Variants in CALN1 observed in about 807,000 individuals in gnomAD.
The protein encoded by CALN1 is calneuron 1, also known as calcium-binding protein 8.
Under a neutral mutation model 30.6 loss-of-function variants are expected in CALN1, and 17 were observed. The observed-to-expected ratio is 0.56, with a 90% CI of 0.38 to 0.83. CALN1 has a LOEUF of 0.83. Among genes scored for constraint, CALN1 ranks in the 40% least tolerant of loss-of-function variants. CALN1 has a pLI of 0.00. For missense variants in CALN1, 291 were observed against 354.9 expected (o/e 0.82, Z 1.45); for synonymous variants, 156 against 131.4 (o/e 1.19, Z -1.28).
intron 4 of CALN1, among the ~76,000 whole-genome samples, chr7:72,050,478 AC>A (rs1419515191): frequency 2.0e-5 from 3 of 152,164 alleles, no homozygotes; most frequent in Admixed American, 6.6e-5. Flanking sequence ...AAATAAGCAG[AC>A]CTCATTCTCC....
At chr7:72,473,707 C>T in the CALN1 span, among the ~76,000 whole-genome samples, 1 of 151,804 alleles carries the variant, frequency 6.6e-6, no homozygotes. Flanking sequence ...ACAAGGCAGG[C>T]GGATCACCTA....
At chr7:72,263,458 T>C (rs546806978) in intron 3 of CALN1, among the ~76,000 whole-genome samples, 1 of 152,298 alleles carries the variant, frequency 6.6e-6, no homozygotes, top group African/African-American at 2.4e-5. Flanking sequence ...TTCAATGACA[T>C]GATCGTGGCT....
At chr7:71,926,507 T>G (rs1795278104) in intron 5 of CALN1, among the ~76,000 whole-genome samples, 1 of 152,228 alleles carries the variant, frequency 6.6e-6, no homozygotes. Context: ...CAGGGTTCTC[T>G]GAGCATCTTG....
intron 1 of CALN1, among the ~76,000 whole-genome samples, chr7:72,435,235 T>C (rs556901941): frequency 1.8e-5 from 2 of 114,254 alleles, no homozygotes; most frequent in East Asian, 4.5e-4. Context: ...ATCCAGTCTC[T>C]AAGGAAAAAA....
chr7:72,241,018 T>C (rs1315427699), intron 3 of CALN1, among the ~76,000 whole-genome samples: 5 of 152,226 alleles, frequency 3.3e-5, no homozygotes, highest in Admixed American at 3.3e-4. Flanking sequence ...AGAGTCTATA[T>C]CTGCCCCTCT....
At chr7:71,871,950 A>G (rs1016445397) in intron 5 of CALN1, among the ~76,000 whole-genome samples, 3 of 152,180 alleles carry the variant, frequency 2.0e-5, no homozygotes, top group African/African-American at 7.2e-5. Flanking sequence ...CCATGATGGA[A>G]ATGATCATTC....
At chr7:72,162,872 G>T (rs113292082) in intron 3 of CALN1, among the ~76,000 whole-genome samples, 5 of 152,344 alleles carry the variant, frequency 3.3e-5, no homozygotes, top group African/African-American at 9.6e-5. Flanking sequence ...GGATCAAGGT[G>T]TCAGATACAA....
intron 3 of CALN1, among the ~76,000 whole-genome samples, chr7:72,215,858 C>G (rs508346): frequency 0.018 from 2,715 of 152,220 alleles, 73 homozygotes; most frequent in African/African-American, 0.062. Context: ...CTGGGCTGGC[C>G]ATGGGACTTG....
At chr7:71,884,153 T>G (rs1052805026) in intron 5 of CALN1, among the ~76,000 whole-genome samples, 2 of 152,130 alleles carry the variant, frequency 1.3e-5, no homozygotes, top group Non-Finnish European at 1.5e-5. Context: ...GACCTCATGA[T>G]CTGTCCCCCT....
At chr7:72,195,422 G>T (rs1022839225) in intron 3 of CALN1, among the ~76,000 whole-genome samples, 2 of 152,060 alleles carry the variant, frequency 1.3e-5, no homozygotes, top group African/African-American at 4.8e-5. Context: ...CTGCCACCCC[G>T]GCTGGAGTGC....
At chr7:72,270,545 G>A (rs972685638) in intron 3 of CALN1, among the ~76,000 whole-genome samples, 4 of 152,178 alleles carry the variant, frequency 2.6e-5, no homozygotes, top group Non-Finnish European at 4.4e-5. Context: ...ACTGAGGTGG[G>A]AGGATTACAT....
intron 1 of CALN1, among the ~76,000 whole-genome samples, chr7:72,436,294 T>C (rs957807428): frequency 1.3e-5 from 2 of 152,196 alleles, no homozygotes; most frequent in Admixed American, 1.3e-4. Flanking sequence ...GTTCTCATGA[T>C]AGTGACTAAG....
intron 5 of CALN1, among the ~76,000 whole-genome samples, chr7:72,001,289 G>T (rs1384610189): frequency 6.6e-6 from 1 of 152,178 alleles, no homozygotes; most frequent in East Asian, 1.9e-4. Context: ...CCTGAAACTG[G>T]TGATCAGCTT....
intron 1 of CALN1, among the ~76,000 whole-genome samples, chr7:72,435,479 C>T (rs1808124761): frequency 6.6e-6 from 1 of 152,212 alleles, no homozygotes; most frequent in Non-Finnish European, 1.5e-5. Flanking sequence ...TCCACGCCTC[C>T]CTCGGCCTGC....
chr7:71,979,588 C>A (rs1002008850), intron 5 of CALN1, among the ~76,000 whole-genome samples: 1 of 152,146 alleles, frequency 6.6e-6, no homozygotes, highest in Admixed American at 6.5e-5. Flanking sequence ...GATGAATCTT[C>A]ACTGACTCAC....
chr7:72,339,167 C>T lies in CALN1; in HGVS notation c.120-60357G>A, dbSNP rs115002890. On this transcript the variant is annotated intron_variant, in intron 2 of 6. Coordinates refer to ENST00000395275, the MANE Select transcript of CALN1 (RefSeq NM_031468.4). ...CACTGGATCTCATTCTTTTTTATGG[C>T]TGAATAGTGCTCCATTGTGTACATG... 6.9e-3 allele frequency among the ~76,000 whole-genome samples: 1,045 copies of T among 152,234 alleles called. 13 individuals are homozygous for T. Among genetic ancestry groups the T allele is most frequent in the African/African-American group, 0.024 (1,002 of 41,528 alleles).
intron 3 of CALN1, among the ~76,000 whole-genome samples, chr7:72,239,075 A>G (rs372236438): frequency 1.1e-4 from 16 of 152,168 alleles, no homozygotes; most frequent in African/African-American, 3.1e-4. Context: ...CGTGACTTCT[A>G]AAATACCTCC....
At chr7:72,131,440 T>A (rs534666245) in intron 3 of CALN1, among the ~76,000 whole-genome samples, 3 of 152,292 alleles carry the variant, frequency 2.0e-5, no homozygotes, top group African/African-American at 7.2e-5. Flanking sequence ...GAGCTAAATT[T>A]ATTTATCGCT....
intron 3 of CALN1, among the ~76,000 whole-genome samples, chr7:72,117,237 A>G (rs1219810585): frequency 6.6e-6 from 1 of 152,182 alleles, no homozygotes; most frequent in African/African-American, 2.4e-5. Flanking sequence ...GGATTGCTTG[A>G]ACCCAAGAGT....
Sources: allele counts gnomAD v4.1 joint callset (sites outside exome capture counted in the v4.1 genomes callset), GRCh38; gene constraint gnomAD v4.1.1; transcripts MANE v1.5; gene names NCBI Gene and HGNC (gene_info 2026-07-23, HGNC 2026-07-21).